The following CLEC16A variants were observed in gnomAD, a reference collection of about 807,000 sequenced individuals.
The protein encoded by CLEC16A is C-type lectin domain containing 16A.
In CLEC16A, 51 loss-of-function variants were observed where a neutral mutation model predicts 109.5. The observed-to-expected ratio is 0.47, with a 90% CI of 0.37 to 0.59. The LOEUF (loss-of-function observed/expected upper bound fraction) is 0.59. CLEC16A is among the 20% of genes least tolerant of loss of function. The pLI is 0.00. For synonymous variants in CLEC16A, 673 were observed against 564.2 expected, an observed-to-expected ratio of 1.19 and a Z score of -2.73; for missense variants, 1,339 against 1,394.0, an observed-to-expected ratio of 0.96 and a Z score of 0.63.
intron 19 of CLEC16A, among the ~76,000 whole-genome samples, chr16:11,114,362 G>A (rs536051553): frequency 1.4e-4 from 21 of 152,068 alleles, no homozygotes; most frequent in Non-Finnish European, 2.6e-4. Context: ...TTGGAGATTC[G>A]ATGGGCAGTG....
Position 10,968,853 on chromosome 16 carries a change from C to T in CLEC16A, c.344-308C>T, listed in dbSNP as rs1750682667. Among the ~76,000 whole-genome samples, 4 of 152,152 alleles carry T rather than the reference C, an allele frequency of 2.6e-5. No homozygotes were observed. The South Asian group carries it at 8.3e-4, about 31-fold the overall frequency. On this transcript the variant is annotated intron_variant, in intron 3 of 23. Coordinates refer to ENST00000409790, the MANE Select transcript of CLEC16A (RefSeq NM_015226.3). ...AATGCCCACACACCAGCTAATCTCC[C>T]CCTACTCCCAGCTCTTTGTTGCACT...
intron 19 of CLEC16A, among the ~76,000 whole-genome samples, chr16:11,080,805 C>G (rs1285272414): frequency 3.3e-5 from 5 of 152,232 alleles, no homozygotes; most frequent in Non-Finnish European, 7.3e-5. Flanking sequence ...GTCTGCCTCA[C>G]TCTTTCACTT....
chr16:11,057,794 G>C (rs2048284492), intron 18 of CLEC16A, among the ~76,000 whole-genome samples: 1 of 152,190 alleles, frequency 6.6e-6, no homozygotes, highest in Admixed American at 6.5e-5. Context: ...AGGTCAAGGA[G>C]TGTGGTTGGA....
chr16:11,011,595 C>G (rs1436278891), intron 11 of CLEC16A, among the ~76,000 whole-genome samples: 1 of 152,018 alleles, frequency 6.6e-6, no homozygotes, highest in African/African-American at 2.4e-5. Context: ...TGGCTCCTGT[C>G]CATGGGCAGG....
At chr16:11,048,949 C>T (rs1339858850) in intron 17 of CLEC16A, among the ~76,000 whole-genome samples, 3 of 152,068 alleles carry the variant, frequency 2.0e-5, no homozygotes. Flanking sequence ...AACCCCTGCT[C>T]AGTGTCTGCT....
intron 18 of CLEC16A, among the ~76,000 whole-genome samples, chr16:11,055,009 C>T (rs2048137781): frequency 6.8e-6 from 1 of 146,180 alleles, no homozygotes; most frequent in Non-Finnish European, 1.5e-5. Flanking sequence ...CCTTTATTTT[C>T]CTTAAGGACT....
Position 11,126,048 on chromosome 16 carries a change from C to T in CLEC16A, c.2543C>T (p.Thr848Ile), listed in dbSNP as rs771877303. 3 of 1,613,976 alleles carry T rather than the reference C, an allele frequency of 1.9e-6. No homozygotes were observed. The highest frequency in any genetic ancestry group is 2.5e-6 in the Non-Finnish European group (3 of 1,179,896). ...TTTGGACTCGGCTCCTCCACCTCCA[C>T]TCAGCACCTGCCTTTCCGCTTCTAC... ...LGFGLGSSTSTQHLPFRFYDQ... is the reference protein window; with the variant it reads ...LGFGLGSSTSIQHLPFRFYDQ... Residue 848 changes from threonine (T) to isoleucine (I), a missense_variant, in exon 22 of 24, where the codon ACT (threonine) becomes ATT (isoleucine). Transcript: ENST00000409790.
At chr16:10,976,091 C>T (rs970546627) in intron 7 of CLEC16A, among the ~76,000 whole-genome samples, 1 of 152,052 alleles carries the variant, frequency 6.6e-6, no homozygotes, top group East Asian at 1.9e-4. Context: ...ATGGTGAGAC[C>T]CCTCCACCCT....
intron 17 of CLEC16A, among the ~76,000 whole-genome samples, chr16:11,049,514 C>G (rs535195775): frequency 1.4e-5 from 2 of 148,084 alleles, no homozygotes; most frequent in Non-Finnish European, 2.9e-5. Flanking sequence ...TTTAATCAAA[C>G]ATGTATTGTG....
At chr16:11,108,283 G>C (rs886295598) in intron 19 of CLEC16A, among the ~76,000 whole-genome samples, 1 of 152,270 alleles carries the variant, frequency 6.6e-6, no homozygotes, top group African/African-American at 2.4e-5. Flanking sequence ...GGGTAGAAGA[G>C]AGACAGCATT....
In CLEC16A at chr16:11,174,302, G is replaced by T; in HGVS notation, c.2807-4033G>T. 1 of 443,848 alleles carries T rather than the reference G, an allele frequency of 2.3e-6. No individual in the cohort carries two copies. The highest frequency in any genetic ancestry group is 4.6e-6 in the Non-Finnish European group (1 of 215,372). The allele number at this position is 443,848 out of a possible 1,614,324, so 27.5% of individuals were successfully genotyped here. A position where few individuals can be genotyped will look rare whatever the true frequency, so the allele number is the denominator to read the frequency against. ...GGCAGGTCTCCCCTGTGAGCCGCTC[G>T]GGCCGCGACGTCCACTCGCCACGCT... On this transcript the variant is annotated intron_variant, in intron 23 of 23. Transcript: ENST00000409790. The surrounding 1 kb of genome is among the most constrained non-coding windows in gnomAD (Gnocchi z 4.7).
intron 1 of CLEC16A, among the ~76,000 whole-genome samples, chr16:10,948,415 T>C (rs1028460715): frequency 6.6e-6 from 1 of 152,206 alleles, no homozygotes; most frequent in African/African-American, 2.4e-5. Context: ...CTCAGGCAGA[T>C]TGAAGTAGTC....
At chr16:11,021,810 C>T (rs1469443394) in intron 12 of CLEC16A, among the ~76,000 whole-genome samples, 1 of 152,076 alleles carries the variant, frequency 6.6e-6, no homozygotes. Context: ...ATATCTGCTG[C>T]TGCTTTTAGG....
chr16:11,028,159 C>A (rs2046528864), intron 13 of CLEC16A, among the ~76,000 whole-genome samples: 1 of 152,208 alleles, frequency 6.6e-6, no homozygotes, highest in Non-Finnish European at 1.5e-5. Context: ...GAGATCACGC[C>A]ATTGCACTCC....
At chr16:11,016,782 A>T (rs2045779798) in intron 11 of CLEC16A, among the ~76,000 whole-genome samples, 1 of 152,142 alleles carries the variant, frequency 6.6e-6, no homozygotes, top group Admixed American at 6.5e-5. Context: ...GTGCAGCTAG[A>T]ATTTTCTTCC....
chr16:10,947,512 C>G (rs8051196), intron 1 of CLEC16A, among the ~76,000 whole-genome samples: 138,683 of 152,298 alleles, frequency 0.91, 63,402 homozygotes, highest in South Asian at 0.96. Context: ...CCACCATTGG[C>G]GGGCAGCAGG....
intron 19 of CLEC16A, among the ~76,000 whole-genome samples, chr16:11,074,384 T>C (rs976248161): frequency 6.6e-6 from 1 of 152,210 alleles, no homozygotes; most frequent in Non-Finnish European, 1.5e-5. Flanking sequence ...AGAAATGAAA[T>C]TTGTATCCTA....
At chr16:11,143,930 C>T (rs928486399) in intron 22 of CLEC16A, among the ~76,000 whole-genome samples, 1 of 152,296 alleles carries the variant, frequency 6.6e-6, no homozygotes, top group East Asian at 1.9e-4. Context: ...TCTGTGTTCT[C>T]ATTTTTTATT....
At chr16:11,064,157 C>G (rs562162358) in intron 19 of CLEC16A, among the ~76,000 whole-genome samples, 22 of 152,318 alleles carry the variant, frequency 1.4e-4, no homozygotes, top group African/African-American at 5.1e-4. Context: ...ACGCCACCCA[C>G]CCACACAGTG....
Sources: allele counts gnomAD v4.1 joint callset (sites outside exome capture counted in the v4.1 genomes callset), GRCh38; gene constraint gnomAD v4.1.1; non-coding constraint Gnocchi (gnomAD v3.1); transcripts MANE v1.5; gene names NCBI Gene and HGNC (gene_info 2026-07-23, HGNC 2026-07-21).